Variants in ZBTB8OS observed in about 807,000 individuals in gnomAD.
The protein encoded by ZBTB8OS is tRNA splicing ligase complex subunit 1.
In ZBTB8OS, 16 loss-of-function variants were observed where a neutral mutation model predicts 29.3. The observed-to-expected ratio is 0.55, with a 90% CI of 0.37 to 0.83. The LOEUF is 0.83. ZBTB8OS is among the 40% of genes least tolerant of loss of function. ZBTB8OS has a pLI of 0.00. For missense variants in ZBTB8OS, 160 were observed against 196.9 expected, an observed-to-expected ratio of 0.81 and a Z score of 1.12; for synonymous variants, 70 against 64.6, an observed-to-expected ratio of 1.08 and a Z score of -0.40.
chr1:32,625,466 G>A (rs1022802788), intron 6 of ZBTB8OS, among the ~76,000 whole-genome samples: 3 of 152,090 alleles, frequency 2.0e-5, no homozygotes, highest in African/African-American at 2.4e-5. Context: ...CCTGGGAGGC[G>A]GAGGTTGCAG....
intron 1 of ZBTB8OS, among the ~76,000 whole-genome samples, chr1:32,641,278 T>G (rs1053144806): frequency 6.1e-5 from 9 of 146,352 alleles, no homozygotes; most frequent in East Asian, 2.0e-4. Flanking sequence ...TTTTTTTTTT[T>G]TTTTTTTTTT....
chr1:32,645,048 G>T (rs931147300), intron 1 of ZBTB8OS, among the ~76,000 whole-genome samples: 1 of 151,854 alleles, frequency 6.6e-6, no homozygotes. Context: ...GCATGGTGGC[G>T]TGTGCCTGCA....
chr1:32,634,569 C>T, intron 2 of ZBTB8OS, 199 bp downstream of exon 2: 1 of 616,920 alleles, frequency 1.6e-6, no homozygotes. Context: ...TCTCTGTCAC[C>T]CAGGCTGGGG....
intron 6 of ZBTB8OS, among the ~76,000 whole-genome samples, chr1:32,623,830 CA>C (rs1644909147): frequency 6.6e-6 from 1 of 152,186 alleles, no homozygotes; most frequent in African/African-American, 2.4e-5. Context: ...ATCACTTTCT[CA>C]AACATACTGA....
chr1:32,635,357 T>G (rs1289231166), intron 1 of ZBTB8OS, among the ~76,000 whole-genome samples: 2 of 151,762 alleles, frequency 1.3e-5, no homozygotes, highest in Non-Finnish European at 2.9e-5. Flanking sequence ...CTGCAGCCTC[T>G]GCCTCCAGGG....
At chr1:32,629,745 GTTTC>G (rs1645395845) in intron 5 of ZBTB8OS, among the ~76,000 whole-genome samples, 1 of 132,010 alleles carries the variant, frequency 7.6e-6, no homozygotes, top group East Asian at 2.2e-4. Flanking sequence ...GGACATGCTT[GTTTC>G]TTTTTTTTTT....
intron 1 of ZBTB8OS, among the ~76,000 whole-genome samples, chr1:32,641,207 C>T (rs927595484): frequency 6.9e-6 from 1 of 144,890 alleles, no homozygotes; most frequent in Admixed American, 7.0e-5. Flanking sequence ...TTCATTCTTT[C>T]AAGAAAAAGT....
At chr1:32,649,655 CACACACACACACAT>C (rs1381081703) in intron 1 of ZBTB8OS, among the ~76,000 whole-genome samples, 10 of 139,936 alleles carry the variant, frequency 7.1e-5, no homozygotes, top group African/African-American at 2.5e-4. Context: ...CACACACACA[CACACACACACACAT>C]TTTTTTTTTT....
chr1:32,650,392 G>A (rs111704633), intron 1 of ZBTB8OS, 41 bp downstream of exon 1: 1 of 1,612,656 alleles, frequency 6.2e-7, no homozygotes, highest in Non-Finnish European at 8.5e-7. Flanking sequence ...GGGGATGCCT[G>A]TGTGCTTACA....
intron 6 of ZBTB8OS, among the ~76,000 whole-genome samples, chr1:32,624,421 C>T (rs1349740459): frequency 6.6e-6 from 1 of 152,156 alleles, no homozygotes; most frequent in Non-Finnish European, 1.5e-5. Flanking sequence ...GTCTGAAACA[C>T]TGGAGGCACT....
chr1:32,643,936 G>A (rs1646634612), intron 1 of ZBTB8OS, among the ~76,000 whole-genome samples: 1 of 151,612 alleles, frequency 6.6e-6, no homozygotes, highest in Non-Finnish European at 1.5e-5. Context: ...TTAGAAAAAC[G>A]CCACACTTTG....
rs1383436812 is a variant in ZBTB8OS at position 32,628,950 on chromosome 1, A to AACAC, written c.381-1407_381-1406insGTGT. ...AGACTGTCTAAAAAACAAACAAACAAAAAATTAATTTTAAAAACTTTAAAA... is the reference window on the plus strand; with the variant it reads ...AGACTGTCTAAAAAACAAACAAACAAACACAAAATTAATTTTAAAAACTTTAAAA... On this transcript the variant is annotated intron_variant, in intron 5 of 6. Transcript: ENST00000468695. 4.6e-5 allele frequency among the ~76,000 whole-genome samples: 7 copies of AACAC among 152,290 alleles called. No homozygotes were observed. The South Asian group carries it at 8.3e-4, about 18-fold the overall frequency.
intron 2 of ZBTB8OS, 26 bp downstream of exon 2, chr1:32,634,742 A>C (rs370658238): frequency 6.2e-6 from 10 of 1,614,026 alleles, no homozygotes; most frequent in Non-Finnish European, 7.6e-6. Flanking sequence ...CGTGGTTTCA[A>C]AGGAATGAAC....
intron 1 of ZBTB8OS, 160 bp downstream of exon 1, chr1:32,650,273 C>T (rs2148502832): frequency 1.0e-6 from 1 of 964,248 alleles, no homozygotes; most frequent in Non-Finnish European, 1.5e-6. Flanking sequence ...CCTTCAGCAT[C>T]CCCAGGAGAA....
In ZBTB8OS at chr1:32,633,628, G is replaced by C. The variant is rs779459336; in HGVS notation, c.327+17C>G. On this transcript the variant is annotated intron_variant, in intron 4 of 6. Transcript: ENST00000468695. ...AAGAATCCATTTGCTCAGTAAAAAA[G>C]AAAAACCTTTGCTTACCCGGGGTAT... 1 of 1,573,068 alleles carries C rather than the reference G, an allele frequency of 6.4e-7. No homozygotes were observed. The highest frequency in any genetic ancestry group is 8.6e-7 in the Non-Finnish European group (1 of 1,163,204).
At chr1:32,644,704 CTTTTTTT>C (rs1190646557) in intron 1 of ZBTB8OS, among the ~76,000 whole-genome samples, 3 of 105,600 alleles carry the variant, frequency 2.8e-5, no homozygotes, top group Admixed American at 1.1e-4. Context: ...CCACACCCAG[CTTTTTTT>C]TTTTTTTTTT....
At chr1:32,647,145 G>A (rs1325358106) in intron 1 of ZBTB8OS, among the ~76,000 whole-genome samples, 1 of 149,984 alleles carries the variant, frequency 6.7e-6, no homozygotes, top group Non-Finnish European at 1.5e-5. Context: ...ACCTGAGATT[G>A]GAAGTTCGAG....
chr1:32,628,164 C>T (rs1053845349), intron 5 of ZBTB8OS, among the ~76,000 whole-genome samples: 1 of 149,244 alleles, frequency 6.7e-6, no homozygotes, highest in African/African-American at 2.5e-5. Context: ...TTGAGACCAG[C>T]CTGACCAACA....
chr1:32,646,353 T>A (rs1646828817), intron 1 of ZBTB8OS, among the ~76,000 whole-genome samples: 1 of 151,802 alleles, frequency 6.6e-6, no homozygotes, highest in African/African-American at 2.4e-5. Flanking sequence ...TTTCTTGGTA[T>A]CTAATTCCAG....
Sources: gnomAD v4.1 joint callset for allele counts (sites outside exome capture counted in the v4.1 genomes callset) on GRCh38, gnomAD v4.1.1 for gene constraint, MANE v1.5 for transcripts, NCBI Gene and HGNC (gene_info 2026-07-23, HGNC 2026-07-21) for gene names.